The following PLCXD3 variants were observed in gnomAD, a reference collection of about 807,000 sequenced individuals.
The protein encoded by PLCXD3 is phosphatidylinositol specific phospholipase C X domain containing 3.
Under a neutral mutation model 25.5 loss-of-function variants are expected in PLCXD3, and 19 were observed. The ratio of observed to expected loss-of-function variants is 0.75; its 90% CI spans 0.52 to 1.09. PLCXD3 has a LOEUF of 1.09. Among genes scored for constraint, PLCXD3 ranks in the 50% least tolerant of loss-of-function variants. The probability of loss-of-function intolerance (pLI) is 0.00; values close to 1 mark genes in which losing one functional copy is unlikely to be tolerated. For synonymous variants in PLCXD3, 174 were observed against 137.6 expected (o/e 1.26, Z -1.85); for missense variants, 411 against 388.1 (o/e 1.06, Z -0.50).
At chr5:41,317,678 A>G (rs1743342858) in intron 2 of PLCXD3, among the ~76,000 whole-genome samples, 1 of 152,038 alleles carries the variant, frequency 6.6e-6, no homozygotes, top group Non-Finnish European at 1.5e-5. Context: ...TAAAATAATT[A>G]AAAAGAGTCA....
At chr5:41,486,553 G>C (rs1013997448) in intron 1 of PLCXD3, among the ~76,000 whole-genome samples, 9 of 152,042 alleles carry the variant, frequency 5.9e-5, no homozygotes, top group Non-Finnish European at 1.3e-4. Flanking sequence ...ACTGCTTCTG[G>C]AGGCTAAGCA....
chr5:41,485,549 C>T (rs951125230), intron 1 of PLCXD3, among the ~76,000 whole-genome samples: 4 of 152,086 alleles, frequency 2.6e-5, no homozygotes, highest in Non-Finnish European at 5.9e-5. Flanking sequence ...TGGTAGTGTC[C>T]TCCTGCACAA....
intron 1 of PLCXD3, among the ~76,000 whole-genome samples, chr5:41,494,291 G>T (rs1375340891): frequency 6.6e-6 from 1 of 152,152 alleles, no homozygotes; most frequent in African/African-American, 2.4e-5. Context: ...ACTTCTGAAA[G>T]ATACTCTGTA....
intron 2 of PLCXD3, among the ~76,000 whole-genome samples, chr5:41,353,353 G>A (rs1229308746): frequency 2.0e-5 from 3 of 151,466 alleles, no homozygotes; most frequent in Admixed American, 6.6e-5. Context: ...TGCCCGCCTC[G>A]GCCTCCCAAC....
chr5:41,509,373 T>G (rs906457635), intron 1 of PLCXD3, among the ~76,000 whole-genome samples: 1 of 152,062 alleles, frequency 6.6e-6, no homozygotes, highest in Non-Finnish European at 1.5e-5. Flanking sequence ...CATAGCCAAA[T>G]TGACAATAAA....
chr5:41,470,015 C>G (rs922228184), intron 1 of PLCXD3, among the ~76,000 whole-genome samples: 5 of 152,152 alleles, frequency 3.3e-5, no homozygotes, highest in African/African-American at 1.2e-4. Context: ...TTAGAAAGAA[C>G]TCAACAAAAG....
intron 2 of PLCXD3, among the ~76,000 whole-genome samples, chr5:41,350,924 T>C (rs1328704792): frequency 2.6e-5 from 4 of 152,124 alleles, no homozygotes; most frequent in Non-Finnish European, 5.9e-5. Context: ...TATGGCTTTG[T>C]CTTCAGCTTG....
intron 1 of PLCXD3, among the ~76,000 whole-genome samples, chr5:41,385,178 C>A (rs1375849909): frequency 6.6e-6 from 1 of 152,022 alleles, no homozygotes; most frequent in East Asian, 1.9e-4. Flanking sequence ...AGAGGAAAAG[C>A]CTAACCTCGT....
In PLCXD3 at chr5:41,474,059, C is replaced by T. The variant is rs571965639; in HGVS notation, c.103+36365G>A. The stretch of plus-strand genomic sequence containing the variant: ...TACTACTGTTACTACTTGAGACCAT[C>T]GTTACGAGACTGAACAAAGGGATGA... On this transcript the variant is annotated intron_variant, in intron 1 of 2. Coordinates refer to ENST00000377801, the MANE Select transcript of PLCXD3 (RefSeq NM_001005473.3). Among the ~76,000 whole-genome samples, 253 of 152,268 alleles carry T rather than the reference C, an allele frequency of 1.7e-3. 1 individual carries two copies. The highest frequency in any genetic ancestry group is 9.3e-3 in the South Asian group (45 of 4,830).
intron 1 of PLCXD3, among the ~76,000 whole-genome samples, chr5:41,480,716 T>C (rs1159245013): frequency 6.6e-6 from 1 of 151,974 alleles, no homozygotes; most frequent in Non-Finnish European, 1.5e-5. Flanking sequence ...AGGTCAGGAT[T>C]TCAAGACCAG....
At chr5:41,391,120 C>T (rs906469490) in intron 1 of PLCXD3, among the ~76,000 whole-genome samples, 2 of 152,154 alleles carry the variant, frequency 1.3e-5, no homozygotes, top group African/African-American at 4.8e-5. Flanking sequence ...TCCAAGTAAA[C>T]TTAAAAGGCA....
intron 1 of PLCXD3, among the ~76,000 whole-genome samples, chr5:41,504,171 G>T (rs1749010437): frequency 6.6e-6 from 1 of 152,106 alleles, no homozygotes; most frequent in Admixed American, 6.6e-5. Context: ...GACCCTAGCT[G>T]TGTTTCCACT....
chr5:41,342,985 C>T (rs79081818), intron 2 of PLCXD3, among the ~76,000 whole-genome samples: 1 of 152,042 alleles, frequency 6.6e-6, no homozygotes, highest in African/African-American at 2.4e-5. Context: ...ACTAACAAAT[C>T]AGCAGCTTCA....
intron 1 of PLCXD3, among the ~76,000 whole-genome samples, chr5:41,441,790 C>T (rs1157130769): frequency 6.6e-6 from 1 of 152,128 alleles, no homozygotes; most frequent in South Asian, 2.1e-4. Flanking sequence ...ATGTCCCCTG[C>T]CTATAGAATG....
chr5:41,488,007 A>T (rs318053), intron 1 of PLCXD3, among the ~76,000 whole-genome samples: 2 of 148,736 alleles, frequency 1.3e-5, no homozygotes, highest in African/African-American at 5.0e-5. Context: ...ATGCTGGTGT[A>T]CTGCACCCAT....
intron 1 of PLCXD3, among the ~76,000 whole-genome samples, chr5:41,409,683 G>C (rs180704296): frequency 1.3e-5 from 2 of 152,112 alleles, no homozygotes; most frequent in African/African-American, 4.8e-5. Context: ...TATAGAATCT[G>C]TCTTGTTCGC....
intron 2 of PLCXD3, among the ~76,000 whole-genome samples, chr5:41,314,673 A>T (rs140392729): frequency 1.3e-4 from 20 of 152,250 alleles, no homozygotes; most frequent in African/African-American, 4.8e-4. Flanking sequence ...CATGGCACTA[A>T]TGGGGTAGCA....
intron 2 of PLCXD3, among the ~76,000 whole-genome samples, chr5:41,365,278 G>A (rs1744901671): frequency 6.6e-6 from 1 of 152,150 alleles, no homozygotes; most frequent in Non-Finnish European, 1.5e-5. Context: ...AAATAGACGT[G>A]CACCTGATAT....
intron 2 of PLCXD3, among the ~76,000 whole-genome samples, chr5:41,334,557 C>T (rs1319543030): frequency 1.3e-5 from 2 of 152,138 alleles, no homozygotes; most frequent in African/African-American, 4.8e-5. Flanking sequence ...TGGGACATAT[C>T]TCATCTTATT....
Sources: allele counts gnomAD v4.1 joint callset (sites outside exome capture counted in the v4.1 genomes callset), GRCh38; gene constraint gnomAD v4.1.1; transcripts MANE v1.5; gene names NCBI Gene and HGNC (gene_info 2026-07-23, HGNC 2026-07-21).